GOLGA5: variants seen among roughly 807,000 people sequenced by gnomAD.
GOLGA5 encodes the protein golgin subfamily A member 5.
In GOLGA5, 50 loss-of-function variants were observed where a neutral mutation model predicts 93.5. That is an observed-to-expected ratio of 0.53 (90% confidence interval 0.43 to 0.68). The LOEUF (loss-of-function observed/expected upper bound fraction) is 0.68. Ranked by LOEUF, GOLGA5 falls within the 30% of genes least tolerant of loss-of-function variation. The pLI is 0.00. For missense variants in GOLGA5, 760 were observed against 856.4 expected (o/e 0.89, Z 1.40); for synonymous variants, 312 against 304.5 (o/e 1.02, Z -0.26).
chr14:92,802,019 C>T (rs1026973489), intron 2 of GOLGA5, among the ~76,000 whole-genome samples: 1 of 152,120 alleles, frequency 6.6e-6, no homozygotes, highest in Non-Finnish European at 1.5e-5. Flanking sequence ...TGGACCTTTC[C>T]ACTCCTGTAT....
intron 6 of GOLGA5, among the ~76,000 whole-genome samples, chr14:92,815,037 C>T (rs1885175115): frequency 6.6e-6 from 1 of 152,188 alleles, no homozygotes; most frequent in South Asian, 2.1e-4. Context: ...GCCAGGTTAG[C>T]CTCCTAAAAT....
Position 92,839,467 on chromosome 14 carries a change from T to C in GOLGA5, c.*21T>C, listed in dbSNP as rs1278537678. On this transcript the variant is annotated 3_prime_UTR_variant, in exon 13 of 13. Transcript: ENST00000163416. ...AATGAACCAAGCCCAGTTGTTGCAG[T>C]GATTGGTTGTCTTTTTCTAGACTTG... is the stretch of plus-strand genomic sequence containing the variant. 6.5e-7 allele frequency: 1 copy of C among 1,540,724 alleles called. No individual in the cohort carries two copies. The highest frequency in any genetic ancestry group is 8.9e-7 in the Non-Finnish European group (1 of 1,120,246).
chr14:92,814,627 A>G (rs1411478914), intron 6 of GOLGA5, among the ~76,000 whole-genome samples: 1 of 152,206 alleles, frequency 6.6e-6, no homozygotes, highest in African/African-American at 2.4e-5. Context: ...TTTGAAGAAT[A>G]CAAAAGAAGT....
At chr14:92,808,701 G>GAA (rs33921665) in intron 3 of GOLGA5, among the ~76,000 whole-genome samples, 1,499 of 135,116 alleles carry the variant, frequency 0.011, 29 homozygotes, top group South Asian at 0.066. Context: ...TGTCTCACTG[G>GAA]AAAAAAAAAA....
chr14:92,805,491 C>T (rs1884965459), intron 2 of GOLGA5, among the ~76,000 whole-genome samples: 4 of 152,062 alleles, frequency 2.6e-5, no homozygotes, highest in African/African-American at 9.7e-5. Flanking sequence ...GTTTTCATTT[C>T]TCTTGTATAA....
chr14:92,807,467 C>T (rs1885013280), intron 3 of GOLGA5, among the ~76,000 whole-genome samples: 1 of 152,114 alleles, frequency 6.6e-6, no homozygotes, highest in African/African-American at 2.4e-5. Context: ...TCCCACCAAC[C>T]CAAAACATAA....
chr14:92,797,396 T>G lies in GOLGA5; in HGVS notation c.-30-12T>G. The G allele has an allele frequency of 6.9e-7, 1 of 1,452,354 alleles. No homozygotes were observed. The highest frequency in any genetic ancestry group is 2.3e-5 in the East Asian group (1 of 44,234). 90.0% of individuals were successfully genotyped at this position (1,452,354 alleles called of 1,614,324 possible). ...ACTATGCCACACTGATCATTTTATG[T>G]CCTTTTTACAGGTTTGCCAATAGGA... On this transcript the variant is annotated splice_polypyrimidine_tract_variant and intron_variant, in intron 1 of 12. Transcript: ENST00000163416.
chr14:92,826,556 G>T (rs28644778), intron 9 of GOLGA5, among the ~76,000 whole-genome samples: 10,063 of 151,904 alleles, frequency 0.066, 398 homozygotes, highest in Middle Eastern at 0.12. Flanking sequence ...AAATTAGCTG[G>T]GCATGGTGGT....
chr14:92,803,506 T>G (rs1462709780), intron 2 of GOLGA5, among the ~76,000 whole-genome samples: 1 of 152,256 alleles, frequency 6.6e-6, no homozygotes. Flanking sequence ...TAGAACTCTG[T>G]GCTAAAACCA....
chr14:92,810,463 A>G (rs1040832), intron 5 of GOLGA5, 86 bp downstream of exon 5: 173,037 of 954,102 alleles, frequency 0.18, 17,163 homozygotes, highest in Middle Eastern at 0.26. Context: ...TTAACTGTCT[A>G]ATATAATTCT....
intron 7 of GOLGA5, among the ~76,000 whole-genome samples, chr14:92,817,652 A>G (rs922379185): frequency 3.9e-5 from 6 of 152,224 alleles, no homozygotes; most frequent in African/African-American, 1.4e-4. Context: ...CTTAAAAGGA[A>G]GAAACTTTTT....
At chr14:92,816,848 G>C (rs949303552) in intron 7 of GOLGA5, among the ~76,000 whole-genome samples, 1 of 152,126 alleles carries the variant, frequency 6.6e-6, no homozygotes, top group Non-Finnish European at 1.5e-5. Flanking sequence ...GGCTGTTGCA[G>C]CCCGTGCTGG....
rs868266217 is a variant in GOLGA5 at position 92,824,100 on chromosome 14, C to G, written c.1621-446C>G. Among the ~76,000 whole-genome samples, 49 of 151,848 alleles carry G rather than the reference C, an allele frequency of 3.2e-4. 1 individual carries two copies. The highest frequency in any genetic ancestry group is 4.2e-4 in the South Asian group (2 of 4,816). On this transcript the variant is annotated intron_variant, in intron 8 of 12. Coordinates refer to ENST00000163416, the MANE Select transcript of GOLGA5 (RefSeq NM_005113.4). Reference sequence around the variant, plus strand: ...TTATTGTTTTTCTTTGTCTCATGTACTTTGCCTATTTTTAAAATGTTCCTG... The same window carrying G: ...TTATTGTTTTTCTTTGTCTCATGTAGTTTGCCTATTTTTAAAATGTTCCTG...
intron 9 of GOLGA5, among the ~76,000 whole-genome samples, chr14:92,829,608 G>A (rs1345574489): frequency 1.3e-5 from 2 of 152,206 alleles, no homozygotes; most frequent in Non-Finnish European, 2.9e-5. Flanking sequence ...CAGATGAGGA[G>A]TTGCTTCTTA....
At chr14:92,811,795 A>G in intron 6 of GOLGA5, 41 bp downstream of exon 6, 1 of 1,417,540 alleles carries the variant, frequency 7.1e-7, no homozygotes, top group Non-Finnish European at 1.0e-6. Context: ...AAGATGTGCA[A>G]GTTAACTGAA....
intron 10 of GOLGA5, among the ~76,000 whole-genome samples, chr14:92,835,206 C>T (rs1366666079): frequency 1.3e-5 from 2 of 152,182 alleles, no homozygotes; most frequent in Admixed American, 6.5e-5. Flanking sequence ...CTGGAGTACA[C>T]ATTTGGGAGT....
chr14:92,807,078 T>A, intron 3 of GOLGA5, 115 bp downstream of exon 3: 1 of 664,978 alleles, frequency 1.5e-6, no homozygotes, highest in East Asian at 2.8e-5. Context: ...GGCGGGCGGA[T>A]TGCCTGAGGT....
chr14:92,805,633 C>A (rs1045528364), intron 2 of GOLGA5, among the ~76,000 whole-genome samples: 5 of 152,208 alleles, frequency 3.3e-5, no homozygotes, highest in African/African-American at 9.7e-5. Flanking sequence ...AGTTGCTCTG[C>A]AGTGTCACCA....
intron 7 of GOLGA5, among the ~76,000 whole-genome samples, chr14:92,819,155 TAA>T (rs960866765): frequency 1.8e-4 from 27 of 152,268 alleles, no homozygotes; most frequent in Admixed American, 1.6e-3. Context: ...AGTAAAGATA[TAA>T]GTCTCCCAGT....
Sources: gnomAD v4.1 joint callset for allele counts (sites outside exome capture counted in the v4.1 genomes callset) on GRCh38, gnomAD v4.1.1 for gene constraint, MANE v1.5 for transcripts, NCBI Gene and HGNC (gene_info 2026-07-23, HGNC 2026-07-21) for gene names.